NKAIN3: variants seen among roughly 807,000 people sequenced by gnomAD.
NKAIN3 encodes the protein sodium/potassium transporting ATPase interacting 3, also known as sodium/potassium-transporting ATPase subunit beta-1-interacting protein 3.
In NKAIN3, 25 loss-of-function variants were observed where a neutral mutation model predicts 30.2. That is an observed-to-expected ratio of 0.83 (90% CI 0.60 to 1.16). The LOEUF (loss-of-function observed/expected upper bound fraction) is 1.16. Ranked by LOEUF, NKAIN3 falls within the 50% of genes most tolerant of loss-of-function variation. NKAIN3 has a pLI of 0.00. For synonymous variants in NKAIN3, 91 were observed against 89.6 expected (o/e 1.02, Z -0.09); for missense variants, 225 against 254.1 (o/e 0.89, Z 0.78).
chr8:62,389,713 T>C (rs1402269621), intron 1 of NKAIN3, among the ~76,000 whole-genome samples: 3 of 152,190 alleles, frequency 2.0e-5, no homozygotes, highest in Non-Finnish European at 4.4e-5. Flanking sequence ...GTTTCTGCAC[T>C]CCAAAAAATG....
intron 1 of NKAIN3, among the ~76,000 whole-genome samples, chr8:62,463,417 CAG>C (rs1228145808): frequency 6.6e-6 from 1 of 152,186 alleles, no homozygotes; most frequent in African/African-American, 2.4e-5. Context: ...CATATTATAA[CAG>C]TGCTTTTTAA....
At chr8:62,314,682 G>A (rs1231408339) in intron 1 of NKAIN3, among the ~76,000 whole-genome samples, 2 of 152,164 alleles carry the variant, frequency 1.3e-5, no homozygotes, top group South Asian at 2.1e-4. Context: ...AACTTTGTTT[G>A]ACAGTCTTTA....
intron 3 of NKAIN3, among the ~76,000 whole-genome samples, chr8:62,684,811 C>G (rs1235717789): frequency 6.6e-6 from 1 of 152,126 alleles, no homozygotes; most frequent in Admixed American, 6.6e-5. Context: ...GATTATGACA[C>G]AGACATGTGC....
chr8:62,440,914 G>T (rs1209577076), intron 1 of NKAIN3, among the ~76,000 whole-genome samples: 2 of 152,070 alleles, frequency 1.3e-5, no homozygotes, highest in Non-Finnish European at 2.9e-5. Context: ...TGTTTCGACT[G>T]CCATGGTTTT....
chr8:62,324,744 C>A (rs1315542923), intron 1 of NKAIN3, among the ~76,000 whole-genome samples: 1 of 152,088 alleles, frequency 6.6e-6, no homozygotes, highest in African/African-American at 2.4e-5. Flanking sequence ...CTAGTAAGAG[C>A]AGTGGGATCT....
At chr8:62,506,319 A>G (rs1164792174) in intron 1 of NKAIN3, among the ~76,000 whole-genome samples, 1 of 151,990 alleles carries the variant, frequency 6.6e-6, no homozygotes, top group Non-Finnish European at 1.5e-5. Flanking sequence ...GCCATTTCAA[A>G]GAAGCAAATT....
intron 1 of NKAIN3, among the ~76,000 whole-genome samples, chr8:62,537,743 A>G (rs992079306): frequency 6.6e-6 from 1 of 152,178 alleles, no homozygotes; most frequent in African/African-American, 2.4e-5. Context: ...TAAGAATCTC[A>G]GAAAATAAAT....
intron 3 of NKAIN3, among the ~76,000 whole-genome samples, chr8:62,678,341 A>T (rs946792631): frequency 2.0e-5 from 3 of 152,176 alleles, no homozygotes; most frequent in Non-Finnish European, 4.4e-5. Context: ...TGCTGCAGTG[A>T]ATTACACTGG....
At chr8:62,582,960 G>T (rs1354077852) in intron 2 of NKAIN3, among the ~76,000 whole-genome samples, 2 of 152,132 alleles carry the variant, frequency 1.3e-5, no homozygotes, top group African/African-American at 4.8e-5. Flanking sequence ...TCATGCTCTG[G>T]TAGCCTTGCC....
intron 1 of NKAIN3, among the ~76,000 whole-genome samples, chr8:62,502,796 A>G (rs750059552): frequency 6.6e-5 from 10 of 152,192 alleles, no homozygotes; most frequent in South Asian, 2.1e-4. Context: ...TCCAAATTCA[A>G]TGTGTTCGAA....
At chr8:62,927,722 G>A (rs1253659540) in intron 5 of NKAIN3, among the ~76,000 whole-genome samples, 1 of 152,124 alleles carries the variant, frequency 6.6e-6, no homozygotes. Context: ...TGCTTTTGGA[G>A]TGATGAGCTG....
chr8:62,389,054 A>G (rs1585751382), intron 1 of NKAIN3, among the ~76,000 whole-genome samples: 1 of 152,146 alleles, frequency 6.6e-6, no homozygotes. Context: ...GAGAAACTGA[A>G]GGGCAGCCAG....
intron 3 of NKAIN3, among the ~76,000 whole-genome samples, chr8:62,621,960 A>G (rs998496276): frequency 6.6e-6 from 1 of 152,078 alleles, no homozygotes; most frequent in African/African-American, 2.4e-5. Context: ...ATTTCTTGCC[A>G]TTCCATTCTT....
At chr8:62,562,477 C>T (rs2129983618) in intron 1 of NKAIN3, among the ~76,000 whole-genome samples, 1 of 152,272 alleles carries the variant, frequency 6.6e-6, no homozygotes, top group African/African-American at 2.4e-5. Flanking sequence ...ATTAGTTCTA[C>T]AACCAAGGAC....
intron 3 of NKAIN3, among the ~76,000 whole-genome samples, chr8:62,622,353 A>T (rs10106080): frequency 0.024 from 3,590 of 152,070 alleles, 101 homozygotes; most frequent in African/African-American, 0.074. Flanking sequence ...GTTCTATATA[A>T]AACTGCTAAA....
chr8:62,622,441 C>A (rs1811645360), intron 3 of NKAIN3, among the ~76,000 whole-genome samples: 1 of 151,960 alleles, frequency 6.6e-6, no homozygotes. Flanking sequence ...ACATTCTTCC[C>A]AGCATTGGTG....
At chr8:62,431,871 A>C (rs796693444) in intron 1 of NKAIN3, among the ~76,000 whole-genome samples, 1 of 146,980 alleles carries the variant, frequency 6.8e-6, no homozygotes, top group African/African-American at 2.6e-5. Context: ...AAGGAAAAAA[A>C]AAAAAAAAAG....
At chr8:62,795,288 G>T (rs907314051) in intron 4 of NKAIN3, among the ~76,000 whole-genome samples, 3 of 152,062 alleles carry the variant, frequency 2.0e-5, no homozygotes, top group African/African-American at 4.8e-5. Flanking sequence ...TAAGGTTTTT[G>T]CCAACATTTA....
chr8:62,293,052 A>T (rs1391900568), intron 1 of NKAIN3, among the ~76,000 whole-genome samples: 2 of 152,078 alleles, frequency 1.3e-5, no homozygotes, highest in African/African-American at 4.8e-5. Context: ...TGCATCGTGT[A>T]GTTCTGATGC....
Sources: allele counts gnomAD v4.1 joint callset (sites outside exome capture counted in the v4.1 genomes callset), GRCh38; gene constraint gnomAD v4.1.1; transcripts MANE v1.5; gene names NCBI Gene and HGNC (gene_info 2026-07-23, HGNC 2026-07-21).